MAN1C1: variants seen among roughly 807,000 people sequenced by gnomAD.
MAN1C1 encodes the protein mannosidase alpha class 1C member 1, also known as mannosyl-oligosaccharide 1,2-alpha-mannosidase IC.
MAN1C1 carries 49 observed loss-of-function variants against 71.5 expected under a neutral mutation model. That is an observed-to-expected ratio of 0.69 (90% CI 0.54 to 0.87). The LOEUF is 0.87. Among genes scored for constraint, MAN1C1 ranks in the 40% least tolerant of loss-of-function variants. The probability of loss-of-function intolerance (pLI) is 0.00; values close to 1 mark genes in which losing one functional copy is unlikely to be tolerated. For missense variants in MAN1C1, 743 were observed against 835.0 expected, an observed-to-expected ratio of 0.89 and a Z score of 1.36; for synonymous variants, 352 against 343.7, an observed-to-expected ratio of 1.02 and a Z score of -0.27.
Position 25,769,085 on chromosome 1 carries a change from CCT to C in MAN1C1, c.1142-2571_1142-2570del. Among the ~76,000 whole-genome samples, 1 of 146,492 alleles carries C rather than the reference CCT, an allele frequency of 6.8e-6. No individual in the cohort carries two copies. Among genetic ancestry groups the C allele is most frequent in the South Asian group, 2.3e-4 (1 of 4,432 alleles). ...CACCACCCACACTCCCACACACACA[CCT>C]ATCACCCACACTCCCTCCCACACAC... On this transcript the variant is annotated intron_variant, in intron 7 of 11. Coordinates refer to ENST00000374332, the MANE Select transcript of MAN1C1 (RefSeq NM_020379.4). The surrounding 1 kb of genome is among the most constrained non-coding windows in gnomAD (Gnocchi z 4.8).
At chr1:25,635,787 T>C (rs1191524720) in intron 1 of MAN1C1, among the ~76,000 whole-genome samples, 1 of 152,192 alleles carries the variant, frequency 6.6e-6, no homozygotes, top group East Asian at 1.9e-4. Context: ...TCTGGTGGTA[T>C]TCCTTCTTTA....
At chr1:25,661,719 T>A (rs889962277) in intron 1 of MAN1C1, among the ~76,000 whole-genome samples, 1 of 152,332 alleles carries the variant, frequency 6.6e-6, no homozygotes, top group Admixed American at 6.5e-5. Context: ...CTCCTCCCAA[T>A]GTAATGATTT....
At chr1:25,706,410 T>C (rs2046522994) in intron 2 of MAN1C1, among the ~76,000 whole-genome samples, 5 of 152,160 alleles carry the variant, frequency 3.3e-5, no homozygotes, top group Admixed American at 3.3e-4. Context: ...ATGTGGCCAC[T>C]GGAGACCTGC....
At chr1:25,734,371 C>T (rs1054114001) in intron 2 of MAN1C1, among the ~76,000 whole-genome samples, 4 of 152,228 alleles carry the variant, frequency 2.6e-5, no homozygotes, top group African/African-American at 4.8e-5. Context: ...TCAAATGATC[C>T]ACCCACCTCA....
At chr1:25,621,601 T>C (rs2045210540) in intron 1 of MAN1C1, among the ~76,000 whole-genome samples, 2 of 152,058 alleles carry the variant, frequency 1.3e-5, no homozygotes, top group Admixed American at 6.6e-5. Flanking sequence ...GGTTGTGTTT[T>C]TGTTGTTGTT....
At chr1:25,677,029 A>G (rs529496994) in intron 1 of MAN1C1, among the ~76,000 whole-genome samples, 2 of 152,250 alleles carry the variant, frequency 1.3e-5, no homozygotes, top group East Asian at 1.9e-4. Context: ...TGCCTGGGTG[A>G]TCGATTCTAG....
chr1:25,750,885 G>C (rs552497641), intron 4 of MAN1C1, among the ~76,000 whole-genome samples: 1 of 152,202 alleles, frequency 6.6e-6, no homozygotes, highest in African/African-American at 2.4e-5. Flanking sequence ...GGAGGACACA[G>C]CTCAGGGCTC....
chr1:25,753,376 A>G lies in MAN1C1; in HGVS notation c.835-108A>G, dbSNP rs893273661. 8 of 725,006 alleles carry G rather than the reference A, an allele frequency of 1.1e-5. No homozygotes were observed. Among genetic ancestry groups the G allele is most frequent in the African/African-American group, 9.1e-5 (5 of 55,188 alleles). 44.9% of individuals were successfully genotyped at this position (725,006 alleles called of 1,614,324 possible). ...CTGGTGGACTGCAGCACTGCCCCCTACTCTAGACCTGCAGCCCTGGGGGGT... is the reference window on the plus strand; with the variant it reads ...CTGGTGGACTGCAGCACTGCCCCCTGCTCTAGACCTGCAGCCCTGGGGGGT... On this transcript the variant is annotated intron_variant, in intron 4 of 11. Transcript: ENST00000374332. The surrounding 1 kb of genome is among the most constrained non-coding windows in gnomAD (Gnocchi z 4.9).
At chr1:25,709,291 G>A (rs2046570463) in intron 2 of MAN1C1, among the ~76,000 whole-genome samples, 1 of 152,216 alleles carries the variant, frequency 6.6e-6, no homozygotes, top group South Asian at 2.1e-4. Flanking sequence ...GGCTAAGCTA[G>A]GTGAGTTTAG....
intron 2 of MAN1C1, among the ~76,000 whole-genome samples, chr1:25,712,178 G>A (rs539236848): frequency 6.6e-6 from 1 of 152,326 alleles, no homozygotes; most frequent in East Asian, 1.9e-4. Flanking sequence ...TAACAGTACT[G>A]GATCAAACCA....
Position 25,746,465 on chromosome 1 carries a change from G to A in MAN1C1, c.638-203G>A, listed in dbSNP as rs2047129931. 1.3e-5 allele frequency among the ~76,000 whole-genome samples: 2 copies of A among 152,222 alleles called. No homozygotes were observed. Among genetic ancestry groups the A allele is most frequent in the African/African-American group, 4.8e-5 (2 of 41,454 alleles). On this transcript the variant is annotated intron_variant, in intron 2 of 11. Coordinates refer to ENST00000374332, the MANE Select transcript of MAN1C1 (RefSeq NM_020379.4). This position sits in a 1 kb window ranked among gnomAD's most constrained non-coding sequence, Gnocchi z 4.0. ...CTCTGGCCGCTGTTTGCTGCCTTGA[G>A]GAGGAAGCAGCCCATGGCGGGGACT...
chr1:25,684,781 G>A (rs894325351), intron 1 of MAN1C1, among the ~76,000 whole-genome samples: 3 of 152,266 alleles, frequency 2.0e-5, no homozygotes, highest in African/African-American at 4.8e-5. Context: ...GGAAACACAG[G>A]CTGGGAGAGA....
intron 1 of MAN1C1, among the ~76,000 whole-genome samples, chr1:25,679,960 TATATATA>T (rs1486064031): frequency 7.8e-6 from 1 of 128,792 alleles, no homozygotes; most frequent in East Asian, 2.1e-4. Flanking sequence ...AATATATATA[TATATATA>T]TATATATATA....
intron 2 of MAN1C1, among the ~76,000 whole-genome samples, chr1:25,723,663 ATCTCTGGCTCT>A (rs1458845908): frequency 6.6e-6 from 1 of 152,208 alleles, no homozygotes; most frequent in Non-Finnish European, 1.5e-5. Context: ...TTTAACCACG[ATCTCTGGCTCT>A]TCTGTTGGGT....
At chr1:25,719,376 A>G (rs1043199989) in intron 2 of MAN1C1, among the ~76,000 whole-genome samples, 2 of 149,298 alleles carry the variant, frequency 1.3e-5, no homozygotes, top group Non-Finnish European at 3.0e-5. Flanking sequence ...CCCAGCCCCA[A>G]TACTTATTAT....
chr1:25,679,385 C>T (rs939814066), intron 1 of MAN1C1, among the ~76,000 whole-genome samples: 1 of 152,056 alleles, frequency 6.6e-6, no homozygotes, highest in Non-Finnish European at 1.5e-5. Flanking sequence ...CTTGGTGAGA[C>T]GGACATGAAG....
At chr1:25,762,015 A>G (rs1391240366) in intron 6 of MAN1C1, among the ~76,000 whole-genome samples, 1 of 152,018 alleles carries the variant, frequency 6.6e-6, no homozygotes, top group African/African-American at 2.4e-5. Flanking sequence ...ATTTCACTTA[A>G]CACAATATCC....
chr1:25,659,461 C>T (rs770768486), intron 1 of MAN1C1, among the ~76,000 whole-genome samples: 7 of 152,250 alleles, frequency 4.6e-5, no homozygotes, highest in Non-Finnish European at 8.8e-5. Flanking sequence ...AGGAACTGAG[C>T]AGGCCTGGGA....
intron 2 of MAN1C1, among the ~76,000 whole-genome samples, chr1:25,718,188 C>T (rs72875657): frequency 0.036 from 5,464 of 152,152 alleles, 312 homozygotes; most frequent in African/African-American, 0.12. Context: ...AGTTAATAAT[C>T]GTCGTGTTTG....
Sources: gnomAD v4.1 joint callset for allele counts (sites outside exome capture counted in the v4.1 genomes callset) on GRCh38, gnomAD v4.1.1 for gene constraint, Gnocchi (gnomAD v3.1) non-coding constraint, MANE v1.5 for transcripts, NCBI Gene and HGNC (gene_info 2026-07-23, HGNC 2026-07-21) for gene names.